Variants in GRIA3 observed in about 807,000 individuals in gnomAD.
GRIA3 encodes glutamate ionotropic receptor AMPA type subunit 3, also known as glutamate receptor 3.
A neutral mutation model predicts 63.0 loss-of-function variants in GRIA3; 3 were observed. The observed-to-expected ratio is 0.05, with a 90% CI of 0.02 to 0.12. The LOEUF is 0.12. Among genes scored for constraint, GRIA3 ranks in the 10% least tolerant of loss-of-function variants. The pLI is 1.00. For synonymous variants in GRIA3, 274 were observed against 257.9 expected (o/e 1.06, Z -0.60); for missense variants, 347 against 700.9 (o/e 0.50, Z 5.70).
At chrX:123,385,231 C>G (rs1281623807) in intron 5 of GRIA3, among the ~76,000 whole-genome samples, 1 of 112,208 alleles carries the variant, frequency 8.9e-6, no homozygotes, top group Non-Finnish European at 1.9e-5. Context: ...AGCCACTTCT[C>G]CTAGCACCAC....
intron 3 of GRIA3, among the ~76,000 whole-genome samples, chrX:123,268,622 A>T (rs1025739423): frequency 5.9e-4 from 65 of 110,959 alleles, no homozygotes; most frequent in Non-Finnish European, 1.0e-3. Flanking sequence ...AGTAGCATTT[A>T]AAAAATGACC....
At chrX:123,484,669 G>T (rs2045932223) in intron 15 of GRIA3, among the ~76,000 whole-genome samples, 1 of 111,203 alleles carries the variant, frequency 9.0e-6, no homozygotes, top group Non-Finnish European at 1.9e-5. Context: ...TTTTAGTAGA[G>T]ACAGAGTTTC....
At chrX:123,484,158 T>C (rs2147448304) in intron 15 of GRIA3, among the ~76,000 whole-genome samples, 1 of 112,333 alleles carries the variant, frequency 8.9e-6, no homozygotes, top group Non-Finnish European at 1.9e-5. Context: ...CATACTTCAG[T>C]GAACCTGAGT....
intron 10 of GRIA3, among the ~76,000 whole-genome samples, chrX:123,407,941 T>C (rs2045485024): frequency 9.0e-6 from 1 of 110,775 alleles, no homozygotes; most frequent in Non-Finnish European, 1.9e-5. Context: ...ATTTAAGGCG[T>C]AAGTGTCTTT....
intron 4 of GRIA3, among the ~76,000 whole-genome samples, chrX:123,352,331 C>T (rs1286635877): frequency 8.9e-6 from 1 of 112,427 alleles, no homozygotes; most frequent in Non-Finnish European, 1.9e-5. Flanking sequence ...CCGCCTGCCT[C>T]GGCCTCCCAA....
chrX:123,317,451 A>T (rs996168518), intron 3 of GRIA3, among the ~76,000 whole-genome samples: 1 of 112,253 alleles, frequency 8.9e-6, no homozygotes, highest in African/African-American at 3.2e-5. Context: ...CTGTAAAATC[A>T]AAAGCAAGCT....
intron 14 of GRIA3, among the ~76,000 whole-genome samples, chrX:123,480,783 A>G (rs1464196152): frequency 2.7e-5 from 3 of 111,758 alleles, no homozygotes; most frequent in Non-Finnish European, 5.6e-5. Context: ...CAAAGGTGTC[A>G]TTTGAATCTC....
intron 4 of GRIA3, among the ~76,000 whole-genome samples, chrX:123,345,338 A>C (rs1237103458): frequency 9.3e-6 from 1 of 107,071 alleles, no homozygotes; most frequent in Non-Finnish European, 1.9e-5. Flanking sequence ...CCCACCCCCA[A>C]CCCCTATTCT....
At chrX:123,344,627 C>T (rs1412675201) in intron 4 of GRIA3, among the ~76,000 whole-genome samples, 1 of 111,744 alleles carries the variant, frequency 8.9e-6, no homozygotes, top group East Asian at 2.8e-4. Context: ...TACTGGCCCT[C>T]AAATCTTTGT....
At chrX:123,187,044 T>C (rs1927297755) in intron 2 of GRIA3, among the ~76,000 whole-genome samples, 1 of 112,635 alleles carries the variant, frequency 8.9e-6, no homozygotes, top group Admixed American at 9.3e-5. Context: ...AGGCTGAATA[T>C]GGTATAAAAT....
intron 2 of GRIA3, among the ~76,000 whole-genome samples, chrX:123,242,257 T>A (rs1029211526): frequency 8.9e-6 from 1 of 112,090 alleles, no homozygotes; most frequent in Admixed American, 9.4e-5. Context: ...TAATTTTTGT[T>A]TGGGGACCCA....
At position 123,326,139 on chromosome X, in the gene GRIA3, G is replaced by A; in HGVS notation, c.622G>A (p.Glu208Lys). 1 of 1,209,566 alleles carries A rather than the reference G, an allele frequency of 8.3e-7. No individual in the cohort carries two copies. Among genetic ancestry groups the A allele is most frequent in the Non-Finnish European group, 1.1e-6 (1 of 893,466 alleles). The change falls in exon 4 of 16, where the codon GAA becomes AAA. Residue 208 changes from glutamate (E) to lysine (K), a missense_variant. Transcript: ENST00000620443. ...CCAAGAATTCAGGCGCATCATTGAA[G>A]AAATGGACAGGAGGCAGGAAAAGCG... ...DVQEFRRIIEEMDRRQEKRYL... is the reference protein window; with the variant it reads ...DVQEFRRIIEKMDRRQEKRYL...
intron 2 of GRIA3, among the ~76,000 whole-genome samples, chrX:123,246,284 T>C (rs1006769247): frequency 2.7e-5 from 3 of 111,997 alleles, no homozygotes; most frequent in Non-Finnish European, 5.6e-5. Flanking sequence ...ATAGCTTAAA[T>C]TGACACAAGA....
chrX:123,259,483 CT>C (rs2044438020), intron 3 of GRIA3, among the ~76,000 whole-genome samples: 1 of 72,597 alleles, frequency 1.4e-5, no homozygotes, highest in Non-Finnish European at 2.6e-5. Context: ...ACGCCCTTTT[CT>C]TTCTCTCTAC....
At chrX:123,368,502 C>T (rs897148840) in intron 5 of GRIA3, among the ~76,000 whole-genome samples, 6 of 110,982 alleles carry the variant, frequency 5.4e-5, no homozygotes, top group Non-Finnish European at 1.1e-4. Context: ...CTAAATTCTC[C>T]GACATGGTGA....
At chrX:123,453,635 A>G (rs1445630966) in intron 12 of GRIA3, among the ~76,000 whole-genome samples, 2 of 111,718 alleles carry the variant, frequency 1.8e-5, no homozygotes. Context: ...ACACACACAC[A>G]CACACACACA....
At chrX:123,400,083 G>C (rs1205714748) in intron 7 of GRIA3, among the ~76,000 whole-genome samples, 2 of 111,084 alleles carry the variant, frequency 1.8e-5, no homozygotes, top group Non-Finnish European at 3.8e-5. Context: ...GAATCAAAAG[G>C]AGTTTCCATC....
At chrX:123,349,712 T>A (rs1467522263) in intron 4 of GRIA3, among the ~76,000 whole-genome samples, 8 of 112,592 alleles carry the variant, frequency 7.1e-5, no homozygotes, top group Non-Finnish European at 1.5e-4. Context: ...AGCACATTTA[T>A]TCAAGTCAGA....
chrX:123,379,883 A>C (rs1265502883), intron 5 of GRIA3, among the ~76,000 whole-genome samples: 1 of 99,170 alleles, frequency 1.0e-5, no homozygotes, highest in African/African-American at 3.8e-5. Context: ...TATGAGTGAG[A>C]ATATGCGGTG....
Sources: gnomAD v4.1 joint callset for allele counts (sites outside exome capture counted in the v4.1 genomes callset) on GRCh38, gnomAD v4.1.1 for gene constraint, MANE v1.5 for transcripts, NCBI Gene and HGNC (gene_info 2026-07-23, HGNC 2026-07-21) for gene names.